ZBTB7C: variants seen among roughly 807,000 people sequenced by gnomAD.
ZBTB7C encodes the protein zinc finger and BTB domain containing 7C.
A neutral mutation model predicts 25.7 loss-of-function variants in ZBTB7C; 8 were observed. The ratio of observed to expected loss-of-function variants is 0.31; its 90% CI spans 0.18 to 0.56. The LOEUF is 0.56. Ranked by LOEUF, ZBTB7C falls within the 20% of genes least tolerant of loss-of-function variation. The pLI, the probability that ZBTB7C is intolerant of heterozygous loss-of-function variation, is 0.91. For missense variants in ZBTB7C, 824 were observed against 855.2 expected (o/e 0.96, Z 0.46); for synonymous variants, 394 against 369.0 (o/e 1.07, Z -0.78).
At chr18:48,255,791 A>C (rs915152687) in intron 2 of ZBTB7C, among the ~76,000 whole-genome samples, 7 of 152,170 alleles carry the variant, frequency 4.6e-5, no homozygotes, top group African/African-American at 1.4e-4. Flanking sequence ...AAGCCAATTA[A>C]CATCTTTAAA....
intron 1 of ZBTB7C, among the ~76,000 whole-genome samples, chr18:48,354,727 G>T (rs1330695312): frequency 6.6e-6 from 1 of 152,160 alleles, no homozygotes; most frequent in African/African-American, 2.4e-5. Context: ...CCTGCAGCCA[G>T]TTAGGCAGGG....
At chr18:48,402,551 C>T (rs1209927976) in intron 1 of ZBTB7C, among the ~76,000 whole-genome samples, 1 of 152,202 alleles carries the variant, frequency 6.6e-6, no homozygotes, top group Admixed American at 6.5e-5. Flanking sequence ...AGTACAGAAG[C>T]AAAGCCTGCT....
chr18:48,073,589 C>A (rs1404208159), intron 3 of ZBTB7C, among the ~76,000 whole-genome samples: 1 of 152,150 alleles, frequency 6.6e-6, no homozygotes, highest in Non-Finnish European at 1.5e-5. Flanking sequence ...TAAAACAGGC[C>A]CTGAGTTTGA....
At chr18:48,056,407 G>A (rs952415265) in intron 3 of ZBTB7C, among the ~76,000 whole-genome samples, 53 of 152,266 alleles carry the variant, frequency 3.5e-4, no homozygotes, top group African/African-American at 1.2e-3. Context: ...TAAGCATTTA[G>A]GAATAGCCAA....
chr18:48,181,373 C>T (rs1479182385), intron 3 of ZBTB7C, among the ~76,000 whole-genome samples: 2 of 152,180 alleles, frequency 1.3e-5, no homozygotes, highest in African/African-American at 4.8e-5. Flanking sequence ...ACCTGGCAGA[C>T]CTGCCTGGGC....
chr18:48,109,029 G>A (rs772632346), intron 3 of ZBTB7C, among the ~76,000 whole-genome samples: 2 of 152,196 alleles, frequency 1.3e-5, no homozygotes, highest in Non-Finnish European at 1.5e-5. Context: ...AGAGGATGCT[G>A]AAGCAGGGAG....
chr18:48,162,346 A>G (rs2041089269), intron 3 of ZBTB7C: 1 of 456,316 alleles, frequency 2.2e-6, no homozygotes, highest in Non-Finnish European at 4.4e-6. Flanking sequence ...CAGCTCACCT[A>G]CCTGCTGGGT....
chr18:48,239,465 C>T (rs186171685), intron 2 of ZBTB7C, among the ~76,000 whole-genome samples: 1 of 152,332 alleles, frequency 6.6e-6, no homozygotes, highest in Admixed American at 6.5e-5. Flanking sequence ...ACAAAGTCCA[C>T]TTCACTCCCC....
upstream of ZBTB7C, among the ~76,000 whole-genome samples, chr18:48,409,581 C>G (rs1403614123): frequency 5.3e-5 from 8 of 149,550 alleles, no homozygotes; most frequent in Non-Finnish European, 9.0e-5. Context: ...CGCCCGCCCC[C>G]TCCCCGCCGC....
At chr18:48,106,116 C>T (rs2144638125) in intron 3 of ZBTB7C, among the ~76,000 whole-genome samples, 1 of 152,326 alleles carries the variant, frequency 6.6e-6, no homozygotes, top group Admixed American at 6.5e-5. Context: ...GCTGCCTGCT[C>T]CCCAAACTCC....
chr18:48,133,142 C>G (rs943596190), intron 3 of ZBTB7C, among the ~76,000 whole-genome samples: 1 of 152,236 alleles, frequency 6.6e-6, no homozygotes, highest in African/African-American at 2.4e-5. Flanking sequence ...TGTGGTCATG[C>G]AAGCTTTCCT....
At chr18:48,132,066 G>A (rs1246051654) in intron 3 of ZBTB7C, among the ~76,000 whole-genome samples, 4 of 152,100 alleles carry the variant, frequency 2.6e-5, no homozygotes, top group Non-Finnish European at 1.5e-5. Context: ...GAAAACCTAG[G>A]TCCACACAAA....
At chr18:48,136,012 C>A (rs995366625) in intron 3 of ZBTB7C, among the ~76,000 whole-genome samples, 9 of 152,206 alleles carry the variant, frequency 5.9e-5, no homozygotes, top group Non-Finnish European at 1.2e-4. Flanking sequence ...CAGAAAGGAG[C>A]GACCCTGGAG....
intron 3 of ZBTB7C, among the ~76,000 whole-genome samples, chr18:48,077,669 A>C (rs2037823749): frequency 6.6e-6 from 1 of 152,214 alleles, no homozygotes; most frequent in Admixed American, 6.5e-5. Context: ...AGTCGGGGTA[A>C]GTGAGCCCCC....
chr18:48,199,357 A>G (rs2042384763), intron 2 of ZBTB7C, among the ~76,000 whole-genome samples: 1 of 152,094 alleles, frequency 6.6e-6, no homozygotes, highest in South Asian at 2.1e-4. Context: ...TCGTTTCTAA[A>G]TCATTGTCTT....
chr18:48,284,791 CAAAAA>C (rs61132755), intron 2 of ZBTB7C, among the ~76,000 whole-genome samples: 1 of 93,082 alleles, frequency 1.1e-5, no homozygotes. Flanking sequence ...ACTCGGTCTC[CAAAAA>C]AAAAAAAAAA....
chr18:48,383,754 C>T (rs1451603586), intron 1 of ZBTB7C, among the ~76,000 whole-genome samples: 5 of 152,018 alleles, frequency 3.3e-5, no homozygotes, highest in Admixed American at 1.3e-4. Flanking sequence ...AGAGTTTGAT[C>T]GGGGTTGTGG....
intron 2 of ZBTB7C, among the ~76,000 whole-genome samples, chr18:48,238,147 C>T (rs989322081): frequency 2.0e-5 from 3 of 152,122 alleles, no homozygotes; most frequent in South Asian, 2.1e-4. Flanking sequence ...GAGTTTCCAG[C>T]GATTCTGATA....
At chr18:48,370,498 G>A (rs1419383593) in intron 1 of ZBTB7C, among the ~76,000 whole-genome samples, 4 of 152,138 alleles carry the variant, frequency 2.6e-5, no homozygotes, top group Non-Finnish European at 5.9e-5. Context: ...TCTCCATCTT[G>A]ACTATATTTA....
Sources: allele counts gnomAD v4.1 joint callset (sites outside exome capture counted in the v4.1 genomes callset), GRCh38; gene constraint gnomAD v4.1.1; transcripts MANE v1.5; gene names NCBI Gene and HGNC (gene_info 2026-07-23, HGNC 2026-07-21).